The following RHCE variants were observed in gnomAD, a reference collection of about 807,000 sequenced individuals.
RHCE encodes blood group Rh(CE) polypeptide.
A neutral mutation model predicts 43.8 loss-of-function variants in RHCE; 22 were observed. The observed-to-expected ratio is 0.50, with a 90% CI of 0.36 to 0.72. The LOEUF (loss-of-function observed/expected upper bound fraction) is 0.72. RHCE is among the 30% of genes least tolerant of loss of function. The pLI, the probability that RHCE is intolerant of heterozygous loss-of-function variation, is 0.00. For synonymous variants in RHCE, 156 were observed against 210.7 expected (o/e 0.74, Z 2.25); for missense variants, 385 against 525.4 (o/e 0.73, Z 2.61).
intron 2 of RHCE, among the ~76,000 whole-genome samples, chr1:25,426,312 T>A (rs1017139810): frequency 3.3e-5 from 5 of 152,216 alleles, no homozygotes; most frequent in Non-Finnish European, 7.3e-5. Context: ...TAGGCCTTGT[T>A]TTTCTCCCTA....
intron 2 of RHCE, among the ~76,000 whole-genome samples, chr1:25,404,011 T>C (rs1646836043): frequency 6.7e-6 from 1 of 148,670 alleles, no homozygotes; most frequent in Admixed American, 6.7e-5. Context: ...CAACTAAAAA[T>C]ACAAAAATTA....
At chr1:25,421,386 G>A (rs1247244110), upstream of RHCE, among the ~76,000 whole-genome samples, 1 of 152,230 alleles carries the variant, frequency 6.6e-6, no homozygotes, top group African/African-American at 2.4e-5. Flanking sequence ...ATTTGAACTT[G>A]TATTTAAATC....
intron 6 of RHCE, among the ~76,000 whole-genome samples, chr1:25,386,842 A>AAAACACACACAC (rs1557613133): frequency 5.6e-4 from 78 of 138,890 alleles, no homozygotes; most frequent in African/African-American, 2.0e-3. Context: ...ACAACAACAA[A>AAAACACACACAC]ACACACACAC....
chr1:25,375,928 C>CT, intron 7 of RHCE, among the ~76,000 whole-genome samples: 1 of 150,212 alleles, frequency 6.7e-6, no homozygotes, highest in South Asian at 2.1e-4. Flanking sequence ...GTAGCTGGGA[C>CT]TACAGGCATG....
intron 4 of RHCE, among the ~76,000 whole-genome samples, chr1:25,391,183 A>G (rs1380820926): frequency 6.6e-6 from 1 of 151,368 alleles, no homozygotes; most frequent in East Asian, 1.9e-4. Context: ...GCTTATTTTA[A>G]TTTTTTTTTC....
At chr1:25,379,477 ATATATATATATATATATATTTTTT>A (rs1175252077) in intron 7 of RHCE, among the ~76,000 whole-genome samples, 6 of 13,460 alleles carry the variant, frequency 4.5e-4, no homozygotes, top group East Asian at 1.9e-3. Context: ...ATATATATAT[ATATATATATATATATATATTTTTT>A]TTTTTTTTTT....
intron 9 of RHCE, among the ~76,000 whole-genome samples, chr1:25,366,385 T>TA: frequency 1.5e-4 from 1 of 6,696 alleles, no homozygotes; most frequent in South Asian, 2.9e-3. Flanking sequence ...CTGAGATACT[T>TA]ACTTTTTTTT....
At chr1:25,374,688 TC>T (rs1270745724) in intron 8 of RHCE, among the ~76,000 whole-genome samples, 3 of 102,494 alleles carry the variant, frequency 2.9e-5, no homozygotes, top group African/African-American at 1.2e-4. Flanking sequence ...GGAATGTTCT[TC>T]CCCTAACTAA....
Position 25,429,334 on chromosome 1 carries a change from A to G in RHCE, c.-136-285T>C, listed in dbSNP as rs187730969. Among the ~76,000 whole-genome samples, 24 of 134,344 alleles carry G rather than the reference A, an allele frequency of 1.8e-4. 1 individual carries two copies. In the East Asian group the frequency reaches 3.8e-3, roughly 21 times the overall value. The allele number at this position is 134,344 out of a possible 152,430, so 88.1% of individuals were successfully genotyped here. A position where few individuals can be genotyped will look rare whatever the true frequency, so the allele number is the denominator to read the frequency against. ...TGCCCAGCTAATTTTTTGTATTTTT[A>G]GTAGAGATGGGGTTTCACCATGTTA... On this transcript the variant is annotated intron_variant, in intron 1 of 11. Coordinates refer to the RHCE transcript ENST00000349320.
intron 3 of RHCE, 34 bp downstream of exon 3, chr1:25,402,562 C>T: frequency 6.2e-7 from 1 of 1,614,050 alleles, no homozygotes; most frequent in Non-Finnish European, 8.5e-7. Flanking sequence ...TGGCCCTTTT[C>T]TCCCAGGTCC....
chr1:25,389,098 C>T lies in RHCE; in HGVS notation c.817G>A (p.Ala273Thr). ...ACAGCCACGCCTCCTGCCAACACCG[C>T]ACTGTGCACATAAGTCTGCAAAGAA... The part of the protein sequence containing the change: ...RKISMTYVHS[A>T]VLAGGVAVGT... Residue 273 changes from alanine to threonine, a missense_variant, in exon 6 of 10, where the codon GCG becomes ACG. Physicochemically the swap from Ala to Thr is moderately conservative, Grantham distance 58. Around this residue, in one of 6 missense-constraint regions of RHCE, gnomAD observed 56 missense variants for 90.0 expected, o/e 0.62. Coordinates refer to ENST00000294413, the MANE Select transcript of RHCE (RefSeq NM_020485.8). 1 of 1,614,102 alleles carries T rather than the reference C, an allele frequency of 6.2e-7. No homozygotes were observed. The highest frequency in any genetic ancestry group is 8.5e-7 in the Non-Finnish European group (1 of 1,179,962).
intron 3 of RHCE, among the ~76,000 whole-genome samples, chr1:25,395,894 G>A (rs1293443960): frequency 6.6e-6 from 1 of 151,510 alleles, no homozygotes. Context: ...GTGGGTGAAA[G>A]TTGGATGATC....
At chr1:25,395,600 C>T (rs1646512617) in intron 3 of RHCE, among the ~76,000 whole-genome samples, 2 of 151,910 alleles carry the variant, frequency 1.3e-5, no homozygotes, top group South Asian at 4.1e-4. Context: ...CTTCATTCCA[C>T]CTAAGAAAGC....
chr1:25,416,819 C>CCG (rs374204674), intron 1 of RHCE, among the ~76,000 whole-genome samples: 3 of 116,794 alleles, frequency 2.6e-5, no homozygotes, highest in African/African-American at 7.9e-5. Flanking sequence ...TTAGAGATGG[C>CCG]GGGGGGGGGT....
At chr1:25,382,042 G>T (rs1646018013) in intron 7 of RHCE, among the ~76,000 whole-genome samples, 1 of 151,336 alleles carries the variant, frequency 6.6e-6, no homozygotes, top group African/African-American at 2.5e-5. Flanking sequence ...CCTTCTTGCT[G>T]CATCATGACA....
intron 3 of RHCE, among the ~76,000 whole-genome samples, chr1:25,393,231 C>G (rs1416745914): frequency 6.6e-6 from 1 of 152,142 alleles, no homozygotes; most frequent in Non-Finnish European, 1.5e-5. Flanking sequence ...CACCGCTACC[C>G]CAAATTGTTA....
At chr1:25,393,431 G>A (rs577553060) in intron 3 of RHCE, among the ~76,000 whole-genome samples, 3 of 152,160 alleles carry the variant, frequency 2.0e-5, no homozygotes, top group Non-Finnish European at 4.4e-5. Flanking sequence ...TACCAGCCTG[G>A]CCAACATGGC....
intron 3 of RHCE, among the ~76,000 whole-genome samples, chr1:25,399,436 A>G (rs1190409815): frequency 2.6e-5 from 4 of 152,170 alleles, no homozygotes; most frequent in Non-Finnish European, 5.9e-5. Flanking sequence ...GTTGCCTCCC[A>G]GCTTCTTATA....
At position 25,425,839 on chromosome 1, in the gene RHCE, G is replaced by T. The variant is rs112980187; in HGVS notation, c.-40+3114C>A. On this transcript the variant is annotated intron_variant, in intron 2 of 11. Coordinates refer to the RHCE transcript ENST00000349320. ...TGACCAATGAGGTAGGAGGTCCTCC[G>T]GTCCCTCCCTGGAAATGTGTCCACG... is the stretch of plus-strand genomic sequence containing the variant. 4.6e-5 allele frequency among the ~76,000 whole-genome samples: 7 copies of T among 152,302 alleles called. 1 individual carries two copies. The highest frequency in any genetic ancestry group is 1.7e-4 in the African/African-American group (7 of 41,560).
Sources: allele counts gnomAD v4.1 joint callset (sites outside exome capture counted in the v4.1 genomes callset), GRCh38; gene constraint gnomAD v4.1.1; regional missense constraint gnomAD v4.1.1; transcripts MANE v1.5; gene names NCBI Gene and HGNC (gene_info 2026-07-23, HGNC 2026-07-21).